PIP5K1C: variants seen among roughly 807,000 people sequenced by gnomAD.
PIP5K1C encodes phosphatidylinositol 4-phosphate 5-kinase type-1 gamma.
PIP5K1C carries 45 observed loss-of-function variants against 80.1 expected under a neutral mutation model. The ratio of observed to expected loss-of-function variants is 0.56; its 90% confidence interval spans 0.44 to 0.72. The LOEUF (loss-of-function observed/expected upper bound fraction) is 0.72. PIP5K1C is among the 30% of genes least tolerant of loss of function. The pLI is 0.00. For synonymous variants in PIP5K1C, 498 were observed against 420.1 expected (o/e 1.19, Z -2.27); for missense variants, 753 against 954.6 (o/e 0.79, Z 2.78).
rs373585123 is a variant in PIP5K1C at position 3,653,274 on chromosome 19, G to A, written c.921+16C>T. 6.9e-6 allele frequency: 11 copies of A among 1,601,028 alleles called. No individual in the cohort carries two copies. The highest frequency in any genetic ancestry group is 2.2e-5 in the East Asian group (1 of 44,840). ...CACCTGCCACCCTCCCTCCCCGGCCGGGGCCGAGCCCTCACCAGGCAGTCC... is the reference window on the plus strand; with the variant it reads ...CACCTGCCACCCTCCCTCCCCGGCCAGGGCCGAGCCCTCACCAGGCAGTCC... On this transcript the variant is annotated intron_variant, in intron 7 of 17. Transcript: ENST00000335312.
rs957455336 is a variant in PIP5K1C at position 3,648,834 on chromosome 19, G to A, written c.1128-126C>T. The A allele has an allele frequency of 4.1e-5, 31 of 754,588 alleles. No individual in the cohort carries two copies. Among genetic ancestry groups the A allele is most frequent in the Non-Finnish European group, 5.5e-5 (24 of 437,964 alleles). The allele number at this position is 754,588 out of a possible 1,614,324, so 46.7% of individuals were successfully genotyped here. A position where few individuals can be genotyped will look rare whatever the true frequency, so the allele number is the denominator to read the frequency against. On this transcript the variant is annotated intron_variant, in intron 8 of 17. Coordinates refer to ENST00000335312, the MANE Select transcript of PIP5K1C (RefSeq NM_012398.3). The surrounding 1 kb of genome is among the most constrained non-coding windows in gnomAD (Gnocchi z 4.3). Reference sequence around the variant, plus strand: ...TGGGTGGCAACTTGGCCAAGCTCTCGGAGTGGGGCCTGGCACCCGGGAACC... The same window carrying A: ...TGGGTGGCAACTTGGCCAAGCTCTCAGAGTGGGGCCTGGCACCCGGGAACC...
At chr19:3,671,418 A>C (rs1274171272) in intron 1 of PIP5K1C, among the ~76,000 whole-genome samples, 1 of 152,192 alleles carries the variant, frequency 6.6e-6, no homozygotes, top group East Asian at 1.9e-4. Flanking sequence ...CCCCTGCCTC[A>C]GTTTCCCTCT....
chr19:3,644,396 C>T lies in PIP5K1C; in HGVS notation c.1346-145G>A, dbSNP rs2034122821. On this transcript the variant is annotated intron_variant, in intron 11 of 17. Transcript: ENST00000335312. ...CTGAGGCCAGGAAGCACCACAACCT[C>T]TTGGTGGAAAACCGGGGTCTGCCTG... is the stretch of plus-strand genomic sequence containing the variant. The T allele has an allele frequency of 3.7e-6, 3 of 810,482 alleles. No homozygotes were observed. In the East Asian group the frequency reaches 8.0e-5, roughly 22 times the overall value. 50.2% of individuals were successfully genotyped at this position (810,482 alleles called of 1,614,324 possible). A position where few individuals can be genotyped will look rare whatever the true frequency, so the allele number is the denominator to read the frequency against.
intron 1 of PIP5K1C, among the ~76,000 whole-genome samples, chr19:3,678,882 AGGGATGGC>A (rs1287005129): frequency 8.0e-6 from 1 of 124,910 alleles, no homozygotes; most frequent in Non-Finnish European, 1.7e-5. Context: ...GGATGGAGGG[AGGGATGGC>A]GGGATGGCAG....
At chr19:3,679,527 C>T (rs561001098) in intron 1 of PIP5K1C, among the ~76,000 whole-genome samples, 2 of 152,318 alleles carry the variant, frequency 1.3e-5, no homozygotes, top group Admixed American at 6.5e-5. Flanking sequence ...ACAGACCTGG[C>T]GTCTCGTTCA....
chr19:3,678,773 CGGAG>C (rs2035495311), intron 1 of PIP5K1C, among the ~76,000 whole-genome samples: 1 of 19,678 alleles, frequency 5.1e-5, no homozygotes, highest in South Asian at 2.1e-3. Context: ...GATGGCAGGA[CGGAG>C]GGAGGGATGG....
At chr19:3,676,909 G>A (rs2035377143) in intron 1 of PIP5K1C, among the ~76,000 whole-genome samples, 1 of 152,042 alleles carries the variant, frequency 6.6e-6, no homozygotes, top group East Asian at 1.9e-4. Context: ...AGACTTGCCT[G>A]GGCAACATCG....
chr19:3,658,754 G>A (rs528557808), intron 5 of PIP5K1C, among the ~76,000 whole-genome samples: 1 of 152,236 alleles, frequency 6.6e-6, no homozygotes, highest in Non-Finnish European at 1.5e-5. Context: ...GAAAGGGCAC[G>A]TTCGGCTTTG....
Position 3,637,472 on chromosome 19 carries a change from C to G in PIP5K1C, c.1920+1412G>C. The stretch of plus-strand genomic sequence containing the variant: ...CACTGAGCTTCCGGCCGGGGACCTG[C>G]GGCTCCCTGCTGCCCGAGGGGCACT... On this transcript the variant is annotated intron_variant, in intron 16 of 17. Transcript: ENST00000335312. This position sits in a 1 kb window ranked among gnomAD's most constrained non-coding sequence, Gnocchi z 7.0. 1.3e-6 allele frequency: 2 copies of G among 1,535,670 alleles called. No individual in the cohort carries two copies. The highest frequency in any genetic ancestry group is 1.7e-6 in the Non-Finnish European group (2 of 1,146,784).
chr19:3,659,290 C>A (rs1226708776), intron 5 of PIP5K1C, among the ~76,000 whole-genome samples: 1 of 152,202 alleles, frequency 6.6e-6, no homozygotes. Context: ...GCACCGGAGG[C>A]CCCCAAGAGA....
chr19:3,639,645 TG>T (rs1201501810), intron 15 of PIP5K1C, among the ~76,000 whole-genome samples: 4 of 151,880 alleles, frequency 2.6e-5, no homozygotes, highest in Admixed American at 2.6e-4. Context: ...TTGCCCAGGC[TG>T]GTCTCCAACT....
At chr19:3,660,081 G>T (rs1189717901) in intron 5 of PIP5K1C, among the ~76,000 whole-genome samples, 2 of 152,106 alleles carry the variant, frequency 1.3e-5, no homozygotes, top group African/African-American at 4.8e-5. Context: ...CTCACGCCTG[G>T]AATCCCAGCA....
intron 17 of PIP5K1C, 36 bp from the exon 18 acceptor site, chr19:3,633,205 G>T: frequency 1.3e-6 from 1 of 756,432 alleles, no homozygotes; most frequent in Admixed American, 1.8e-5. Context: ...GGTGGGCGGG[G>T]CGAGGGCCCA....
intron 1 of PIP5K1C, among the ~76,000 whole-genome samples, chr19:3,679,421 C>A (rs573100077): frequency 6.6e-6 from 1 of 152,214 alleles, no homozygotes; most frequent in South Asian, 2.1e-4. Flanking sequence ...CCAGGGAGAC[C>A]GTCCTCACAG....
At chr19:3,673,466 G>C (rs2035271516) in intron 1 of PIP5K1C, among the ~76,000 whole-genome samples, 1 of 152,224 alleles carries the variant, frequency 6.6e-6, no homozygotes, top group African/African-American at 2.4e-5. Context: ...GGGCAGCAAG[G>C]GAAGGCCAGT....
At chr19:3,652,433 CCT>C (rs536819836) in intron 7 of PIP5K1C, among the ~76,000 whole-genome samples, 28 of 152,304 alleles carry the variant, frequency 1.8e-4, no homozygotes, top group Admixed American at 3.9e-4. Context: ...CCTCAAGGCC[CCT>C]GAGTGGTCTG....
At chr19:3,699,359 C>CCA (rs1307630641) in intron 1 of PIP5K1C, among the ~76,000 whole-genome samples, 3 of 143,370 alleles carry the variant, frequency 2.1e-5, no homozygotes, top group East Asian at 2.2e-4. Context: ...TTGATGACTT[C>CCA]CACACTCTCT....
intron 10 of PIP5K1C, among the ~76,000 whole-genome samples, chr19:3,646,647 T>G (rs891711650): frequency 1.3e-5 from 2 of 152,178 alleles, no homozygotes; most frequent in Admixed American, 1.3e-4. Flanking sequence ...GGGCAGCAGG[T>G]TCCGGGCCTT....
At chr19:3,670,055 G>A (rs1252684772) in intron 1 of PIP5K1C, among the ~76,000 whole-genome samples, 5 of 150,628 alleles carry the variant, frequency 3.3e-5, no homozygotes, top group Non-Finnish European at 5.9e-5. Context: ...CTCTGCAGGC[G>A]GCAGGTGGGG....
Sources: gnomAD v4.1 joint callset for allele counts (sites outside exome capture counted in the v4.1 genomes callset) on GRCh38, gnomAD v4.1.1 for gene constraint, Gnocchi (gnomAD v3.1) non-coding constraint, MANE v1.5 for transcripts, NCBI Gene and HGNC (gene_info 2026-07-23, HGNC 2026-07-21) for gene names.